Variants in UPP1 observed in about 807,000 individuals in gnomAD.
UPP1 encodes the protein uridine phosphorylase 1.
UPP1 carries 25 observed loss-of-function variants against 29.6 expected under a neutral mutation model. The ratio of observed to expected loss-of-function variants is 0.85; its 90% confidence interval spans 0.62 to 1.18. The LOEUF (loss-of-function observed/expected upper bound fraction) is 1.18. UPP1 is among the 50% of genes most tolerant of loss of function. The pLI is 0.00. For missense variants in UPP1, 368 were observed against 410.4 expected, an observed-to-expected ratio of 0.90 and a Z score of 0.89; for synonymous variants, 165 against 159.8, an observed-to-expected ratio of 1.03 and a Z score of -0.25.
chr7:48,091,784 G>A (rs1791852343), intron 2 of UPP1, among the ~76,000 whole-genome samples: 1 of 152,170 alleles, frequency 6.6e-6, no homozygotes, highest in Admixed American at 6.5e-5. Context: ...CAAAGGGAAA[G>A]AGAGAGTGAG....
chr7:48,099,866 C>G (rs1792327947), intron 4 of UPP1, 79 bp downstream of exon 4: 1 of 940,760 alleles, frequency 1.1e-6, no homozygotes, highest in Non-Finnish European at 1.7e-6. Flanking sequence ...GACCAACCCA[C>G]AAATGCTTGA....
At chr7:48,095,333 C>T (rs1792071606) in intron 3 of UPP1, among the ~76,000 whole-genome samples, 1 of 152,072 alleles carries the variant, frequency 6.6e-6, no homozygotes, top group Non-Finnish European at 1.5e-5. Flanking sequence ...TTTTCTCACC[C>T]CCCCAGTTGT....
At chr7:48,096,605 A>G (rs185525817) in intron 3 of UPP1, among the ~76,000 whole-genome samples, 2 of 152,152 alleles carry the variant, frequency 1.3e-5, no homozygotes, top group East Asian at 1.9e-4. Context: ...GTCCTAAGCT[A>G]TTTGGGCAAG....
intron 2 of UPP1, among the ~76,000 whole-genome samples, chr7:48,091,403 C>T (rs1358837835): frequency 2.0e-5 from 3 of 151,488 alleles, no homozygotes; most frequent in Admixed American, 2.0e-4. Context: ...TTTAGGATTT[C>T]CCTGGGAGGT....
At chr7:48,101,184 T>C (rs111988616) in intron 4 of UPP1, among the ~76,000 whole-genome samples, 9,186 of 152,252 alleles carry the variant, frequency 0.06, 754 homozygotes, top group African/African-American at 0.19. Flanking sequence ...GGATTACAGG[T>C]GTGAGCCACT....
intron 4 of UPP1, among the ~76,000 whole-genome samples, chr7:48,101,522 G>T (rs924807237): frequency 6.6e-6 from 1 of 152,090 alleles, no homozygotes; most frequent in Non-Finnish European, 1.5e-5. Context: ...CTACATGACG[G>T]AGGGAGGCCG....
At chr7:48,103,827 G>C (rs1792569455) in intron 6 of UPP1, 2 of 1,290,064 alleles carry the variant, frequency 1.6e-6, no homozygotes, top group South Asian at 1.2e-5. Context: ...AAATCAAAGG[G>C]GGGAAGAGAG....
At chr7:48,094,051 T>G (rs1791991654) in intron 2 of UPP1, among the ~76,000 whole-genome samples, 1 of 152,064 alleles carries the variant, frequency 6.6e-6, no homozygotes, top group African/African-American at 2.4e-5. Flanking sequence ...TCTCAGCTAC[T>G]CGGGAGGCTG....
intron 2 of UPP1, among the ~76,000 whole-genome samples, chr7:48,092,060 G>A (rs940811050): frequency 6.6e-6 from 1 of 152,110 alleles, no homozygotes; most frequent in African/African-American, 2.4e-5. Flanking sequence ...GATGTTCTCA[G>A]CTGCTGGCCC....
chr7:48,106,900 CAG>C lies in UPP1; in HGVS notation c.467_468del (p.Glu156AlafsTer12), dbSNP rs1792778302. 1 of 1,613,804 alleles carries C rather than the reference CAG, an allele frequency of 6.2e-7. No individual in the cohort carries two copies. Among genetic ancestry groups the C allele is most frequent in the Non-Finnish European group, 8.5e-7 (1 of 1,179,952 alleles). On this transcript the variant is annotated frameshift_variant, in exon 7 of 9. Coordinates refer to ENST00000395564, the MANE Select transcript of UPP1 (RefSeq NM_003364.4). LOFTEE classifies it high-confidence loss of function. ...CTGGAGCCCGGCACTGTGGTCATAA[CAG>C]AGCAGGCAGTGGATACCTGCTTCAA...
At chr7:48,097,877 TCCTTACCA>T (rs1652622404) in intron 3 of UPP1, among the ~76,000 whole-genome samples, 1 of 152,188 alleles carries the variant, frequency 6.6e-6, no homozygotes. Context: ...TCAAGGATGG[TCCTTACCA>T]CACGTGATTC....
upstream of UPP1, chr7:48,088,965 AC>A (rs1377057968): frequency 6.6e-6 from 1 of 152,294 alleles, no homozygotes; most frequent in African/African-American, 2.4e-5. Flanking sequence ...TTAATGAGTA[AC>A]AGAACTGGCT....
chr7:48,105,950 A>G (rs1019094605), intron 6 of UPP1: 2 of 152,228 alleles, frequency 1.3e-5, no homozygotes, highest in African/African-American at 4.8e-5. Flanking sequence ...AACACAAAGA[A>G]TAAGGGGCAG....
In UPP1 at chr7:48,103,193, T is replaced by C; in HGVS notation, c.322-104T>C. On this transcript the variant is annotated intron_variant, in intron 5 of 8. Coordinates refer to ENST00000395564, the MANE Select transcript of UPP1 (RefSeq NM_003364.4). ...TTAAAAAGTTTATCTTTCATCACTA[T>C]GTCAATGGGCATGTTAGATTGAATT... 4 of 800,594 alleles carry C rather than the reference T, an allele frequency of 5.0e-6. No individual in the cohort carries two copies. The South Asian group carries it at 6.0e-5, about 12-fold the overall frequency. 49.6% of individuals were successfully genotyped at this position (800,594 alleles called of 1,614,324 possible). A position where few individuals can be genotyped will look rare whatever the true frequency, so the allele number is the denominator to read the frequency against.
intron 6 of UPP1, chr7:48,106,599 A>T: frequency 2.5e-6 from 1 of 395,540 alleles, no homozygotes; most frequent in Non-Finnish European, 4.8e-6. Context: ...GGCGTGGGCC[A>T]CTGCACCCAG....
chr7:48,108,036 C>A (rs1792860845), intron 8 of UPP1, among the ~76,000 whole-genome samples, 182 bp from the exon 9 acceptor site: 1 of 152,180 alleles, frequency 6.6e-6, no homozygotes. Context: ...GTCTTCCGAG[C>A]CCCTGGACCA....
rs183804090 is a variant in UPP1, at chr7:48,100,680, C to A, written c.162+893C>A. 1.8e-3 allele frequency among the ~76,000 whole-genome samples: 268 copies of A among 152,278 alleles called. 1 individual carries two copies. Among genetic ancestry groups the A allele is most frequent in the South Asian group, 0.017 (84 of 4,818 alleles). ...TCAAAATATACCAGGACGCTAGAAT[C>A]CAGTGCTGCTACATGGGATCATAAT... On this transcript the variant is annotated intron_variant, in intron 4 of 8. Coordinates refer to ENST00000395564, the MANE Select transcript of UPP1 (RefSeq NM_003364.4).
At chr7:48,099,106 C>T (rs73093274) in intron 3 of UPP1, among the ~76,000 whole-genome samples, 1,995 of 152,266 alleles carry the variant, frequency 0.013, 10 homozygotes, top group Middle Eastern at 0.031. Flanking sequence ...GCCACGAGCA[C>T]ATTTTCTAGC....
At chr7:48,092,178 A>G (rs1051564253) in intron 2 of UPP1, among the ~76,000 whole-genome samples, 2 of 152,076 alleles carry the variant, frequency 1.3e-5, no homozygotes, top group African/African-American at 4.8e-5. Flanking sequence ...GAGGGGGCAG[A>G]GTTTTAGGGG....
Sources: gnomAD v4.1 joint callset for allele counts (sites outside exome capture counted in the v4.1 genomes callset) on GRCh38, gnomAD v4.1.1 for gene constraint, MANE v1.5 for transcripts, NCBI Gene and HGNC (gene_info 2026-07-23, HGNC 2026-07-21) for gene names.